SUPT3H: variants seen among roughly 807,000 people sequenced by gnomAD.
The protein encoded by SUPT3H is SPT3 homolog, SAGA and STAGA complex component.
Under a neutral mutation model 44.3 loss-of-function variants are expected in SUPT3H, and 44 were observed. The observed-to-expected ratio is 0.99, with a 90% CI of 0.78 to 1.28. The LOEUF is 1.28. SUPT3H is among the 50% of genes most tolerant of loss of function. The probability of loss-of-function intolerance (pLI) is 0.00; values close to 1 mark genes in which losing one functional copy is unlikely to be tolerated. For missense variants in SUPT3H, 380 were observed against 387.1 expected (o/e 0.98, Z 0.15); for synonymous variants, 124 against 125.6 (o/e 0.99, Z 0.09).
Position 45,240,871 on chromosome 6 carries a change from C to A in SUPT3H, c.101+124330G>T, listed in dbSNP as rs114340828. On this transcript the variant is annotated intron_variant, in intron 2 of 10. Coordinates refer to ENST00000371459, the MANE Select transcript of SUPT3H (RefSeq NM_003599.4). ...ACTATTAATGGAAAGAATAAAAAAACATCTAGAAGGACACTCTACAAACTT... is the reference window on the plus strand; with the variant it reads ...ACTATTAATGGAAAGAATAAAAAAAAATCTAGAAGGACACTCTACAAACTT... Among the ~76,000 whole-genome samples, 477 of 152,240 alleles carry A rather than the reference C, an allele frequency of 3.1e-3. 5 individuals are homozygous for A. The highest frequency in any genetic ancestry group is 0.011 in the African/African-American group (459 of 41,532).
chr6:44,811,956 C>T (rs1581793104), intron 11 of SUPT3H, among the ~76,000 whole-genome samples: 1 of 151,932 alleles, frequency 6.6e-6, no homozygotes, highest in Non-Finnish European at 1.5e-5. Context: ...CTGTAATCCT[C>T]ATCCCATAGT....
chr6:45,257,787 C>T (rs1392042577), intron 2 of SUPT3H, among the ~76,000 whole-genome samples: 1 of 152,140 alleles, frequency 6.6e-6, no homozygotes, highest in Non-Finnish European at 1.5e-5. Flanking sequence ...ATGGCCTCAT[C>T]ACCTCTTAAC....
chr6:45,093,379 A>G (rs1191336424), intron 3 of SUPT3H, among the ~76,000 whole-genome samples: 3 of 152,186 alleles, frequency 2.0e-5, no homozygotes, highest in African/African-American at 7.2e-5. Context: ...GGCCTCACAC[A>G]TAGTAGATGT....
intron 10 of SUPT3H, among the ~76,000 whole-genome samples, chr6:44,891,662 T>A (rs1763339197): frequency 6.6e-6 from 1 of 152,050 alleles, no homozygotes; most frequent in Non-Finnish European, 1.5e-5. Flanking sequence ...GATAAAATAT[T>A]TCTGAAAATG....
intron 3 of SUPT3H, among the ~76,000 whole-genome samples, chr6:45,032,343 A>C (rs1268774035): frequency 2.6e-5 from 4 of 152,208 alleles, no homozygotes; most frequent in Non-Finnish European, 5.9e-5. Context: ...GACAAAGTAC[A>C]GATTTTATTA....
chr6:44,947,499 A>G (rs962125792), intron 9 of SUPT3H, among the ~76,000 whole-genome samples: 4 of 152,198 alleles, frequency 2.6e-5, no homozygotes, highest in African/African-American at 9.6e-5. Flanking sequence ...ACATATCCCA[A>G]ACTGATGTAA....
chr6:45,223,365 A>T (rs1467453805), intron 2 of SUPT3H, among the ~76,000 whole-genome samples: 1 of 152,118 alleles, frequency 6.6e-6, no homozygotes, highest in African/African-American at 2.4e-5. Flanking sequence ...ATCTACAATT[A>T]TCTCAAAATA....
At chr6:45,181,610 G>T (rs1337563117) in intron 2 of SUPT3H, among the ~76,000 whole-genome samples, 1 of 150,464 alleles carries the variant, frequency 6.6e-6, no homozygotes, top group African/African-American at 2.4e-5. Flanking sequence ...GTAAACCATC[G>T]CAAGGACAAA....
At chr6:45,269,407 A>G (rs1299664531) in intron 2 of SUPT3H, among the ~76,000 whole-genome samples, 3 of 152,204 alleles carry the variant, frequency 2.0e-5, no homozygotes, top group Non-Finnish European at 4.4e-5. Flanking sequence ...ACTTCCTCAG[A>G]CTATACCATT....
intron 2 of SUPT3H, among the ~76,000 whole-genome samples, chr6:45,270,144 G>T (rs1319335270): frequency 6.6e-6 from 1 of 152,018 alleles, no homozygotes; most frequent in Non-Finnish European, 1.5e-5. Context: ...AAAAATAAAA[G>T]AATATAAACC....
intron 2 of SUPT3H, among the ~76,000 whole-genome samples, chr6:45,123,596 A>C (rs1366622864): frequency 6.6e-6 from 1 of 152,122 alleles, no homozygotes; most frequent in African/African-American, 2.4e-5. Context: ...TACAAAAAAT[A>C]AAACAAAGAT....
chr6:45,330,793 C>T, intron 2 of SUPT3H, among the ~76,000 whole-genome samples: 1 of 151,682 alleles, frequency 6.6e-6, no homozygotes, highest in South Asian at 2.1e-4. Flanking sequence ...CCCGCCAGCC[C>T]CCAAACAGTA....
chr6:44,817,582 A>C (rs934053626), intron 11 of SUPT3H, among the ~76,000 whole-genome samples: 11 of 152,272 alleles, frequency 7.2e-5, no homozygotes, highest in African/African-American at 2.6e-4. Context: ...CGAAGAAACT[A>C]TAACTGCCCC....
intron 10 of SUPT3H, among the ~76,000 whole-genome samples, chr6:44,902,819 T>C (rs1222295873): frequency 6.6e-6 from 1 of 152,090 alleles, no homozygotes; most frequent in Non-Finnish European, 1.5e-5. Context: ...ACAGAAATTA[T>C]AACAAACTGT....
chr6:45,089,879 A>C (rs1796925532), intron 3 of SUPT3H, among the ~76,000 whole-genome samples: 2 of 151,988 alleles, frequency 1.3e-5, no homozygotes, highest in African/African-American at 2.4e-5. Context: ...CCACTCTCTA[A>C]AATTTTTAAT....
chr6:45,274,643 G>A (rs1017334801), intron 2 of SUPT3H, among the ~76,000 whole-genome samples: 1 of 152,218 alleles, frequency 6.6e-6, no homozygotes, highest in African/African-American at 2.4e-5. Context: ...CACTCTGGGA[G>A]GCTGAGGCAG....
intron 2 of SUPT3H, chr6:45,328,895 T>C (rs1786902595): frequency 1.8e-6 from 2 of 1,118,814 alleles, no homozygotes; most frequent in South Asian, 2.5e-5. Flanking sequence ...AGATCCTAAT[T>C]ATGCTATCTT....
chr6:45,121,133 A>G (rs1412029506), intron 2 of SUPT3H, among the ~76,000 whole-genome samples: 1 of 152,184 alleles, frequency 6.6e-6, no homozygotes, highest in Non-Finnish European at 1.5e-5. Flanking sequence ...AGAGTTTGAT[A>G]AACAGAAAAA....
chr6:45,019,389 A>G (rs1053278989), intron 4 of SUPT3H, among the ~76,000 whole-genome samples: 1 of 151,948 alleles, frequency 6.6e-6, no homozygotes, highest in African/African-American at 2.4e-5. Flanking sequence ...GCCTTCTGCT[A>G]GCTTTTGAAT....
Sources: gnomAD v4.1 joint callset for allele counts (sites outside exome capture counted in the v4.1 genomes callset) on GRCh38, gnomAD v4.1.1 for gene constraint, MANE v1.5 for transcripts, NCBI Gene and HGNC (gene_info 2026-07-23, HGNC 2026-07-21) for gene names.